The following ATP8A2 variants were observed in gnomAD, a reference collection of about 807,000 sequenced individuals.
ATP8A2 encodes the protein ATPase phospholipid transporting 8A2.
In ATP8A2, 100 loss-of-function variants were observed where a neutral mutation model predicts 165.6. That is an observed-to-expected ratio of 0.60 (90% CI 0.51 to 0.71). The LOEUF is 0.71. Among genes scored for constraint, ATP8A2 ranks in the 30% least tolerant of loss-of-function variants. The pLI, the probability that ATP8A2 is intolerant of heterozygous loss-of-function variation, is 0.00. For synonymous variants in ATP8A2, 543 were observed against 548.8 expected (o/e 0.99, Z 0.15); for missense variants, 1,227 against 1,479.5 (o/e 0.83, Z 2.80).
intron 24 of ATP8A2, among the ~76,000 whole-genome samples, chr13:25,604,430 TG>T (rs2040465671): frequency 1.3e-5 from 2 of 152,186 alleles, no homozygotes; most frequent in African/African-American, 4.8e-5. Context: ...AAGTTTACAG[TG>T]AGTTTTGCTG....
At chr13:25,617,790 C>T (rs575020118) in intron 24 of ATP8A2, among the ~76,000 whole-genome samples, 1 of 152,220 alleles carries the variant, frequency 6.6e-6, no homozygotes, top group South Asian at 2.1e-4. Flanking sequence ...TCTGGGGAGA[C>T]TATTTTAACT....
chr13:25,994,646 G>C (rs1228836736), intron 35 of ATP8A2, among the ~76,000 whole-genome samples: 1 of 151,732 alleles, frequency 6.6e-6, no homozygotes, highest in African/African-American at 2.4e-5. Context: ...ATATGAGTGT[G>C]TTTTTTTTCT....
chr13:25,683,140 G>T (rs1327199963), intron 24 of ATP8A2, among the ~76,000 whole-genome samples: 1 of 152,212 alleles, frequency 6.6e-6, no homozygotes, highest in East Asian at 1.9e-4. Context: ...ACAATTTGAG[G>T]TTATTTTAGT....
At position 25,667,617 on chromosome 13, in the gene ATP8A2, C is replaced by A. The variant is rs111550077; in HGVS notation, c.2212-31556C>A. Among the ~76,000 whole-genome samples the A allele has an allele frequency of 3.2e-4, 46 of 145,900 alleles. No homozygotes were observed. In the South Asian group the frequency reaches 6.0e-3, roughly 19 times the overall value. Reference sequence around the variant, plus strand: ...ACATGTCCTTGAACTCCTCAGTCTGCGAAACTGTGGCCTAGATAAGCCTCT... The same window carrying A: ...ACATGTCCTTGAACTCCTCAGTCTGAGAAACTGTGGCCTAGATAAGCCTCT... On this transcript the variant is annotated intron_variant, in intron 24 of 36. Transcript: ENST00000381655.
chr13:25,925,829 GCA>G (rs942470304), intron 33 of ATP8A2, among the ~76,000 whole-genome samples: 4 of 151,398 alleles, frequency 2.6e-5, no homozygotes, highest in Non-Finnish European at 5.9e-5. Context: ...TCAGGTTCAA[GCA>G]ATTCTCCTGT....
rs10528594 is a variant in ATP8A2, at chr13:25,414,186, GTTT to G, written c.76+41918_76+41920del. 8.9e-4 allele frequency among the ~76,000 whole-genome samples: 106 copies of G among 119,074 alleles called. 1 individual carries two copies. The highest frequency in any genetic ancestry group is 2.7e-3 in the African/African-American group (87 of 32,288). The allele number at this position is 119,074 out of a possible 152,430, so 78.1% of individuals were successfully genotyped here. Reference sequence around the variant, plus strand: ...ACTATCTTATCACAAGGGCTGTGGTGTTTTTTTTTTTTTTTTTTTTTTGAGTCA... The same window carrying G: ...ACTATCTTATCACAAGGGCTGTGGTGTTTTTTTTTTTTTTTTTTTGAGTCA... On this transcript the variant is annotated intron_variant, in intron 1 of 36. Transcript: ENST00000381655.
chr13:25,769,311 G>T (rs943612829), intron 26 of ATP8A2, 82 bp downstream of exon 26: 13 of 1,395,002 alleles, frequency 9.3e-6, no homozygotes, highest in Non-Finnish European at 1.1e-5. Flanking sequence ...AACCTTCAGT[G>T]CATCTCCAAA....
chr13:25,724,436 T>G (rs950543606), intron 25 of ATP8A2, among the ~76,000 whole-genome samples: 1 of 152,166 alleles, frequency 6.6e-6, no homozygotes, highest in Non-Finnish European at 1.5e-5. Context: ...CATTTCCCAA[T>G]GTTGAATTGT....
chr13:25,433,773 T>C (rs908259920), intron 1 of ATP8A2, among the ~76,000 whole-genome samples: 1 of 152,200 alleles, frequency 6.6e-6, no homozygotes, highest in Non-Finnish European at 1.5e-5. Context: ...GTGGTATTTA[T>C]ACACCATGGA....
intron 35 of ATP8A2, among the ~76,000 whole-genome samples, chr13:25,990,513 G>A (rs79456495): frequency 6.6e-6 from 1 of 152,086 alleles, no homozygotes; most frequent in African/African-American, 2.4e-5. Context: ...ATATGCAAAG[G>A]CCCTGAGGTG....
chr13:25,741,605 C>G (rs1478389231), intron 25 of ATP8A2, among the ~76,000 whole-genome samples: 1 of 150,884 alleles, frequency 6.6e-6, no homozygotes, highest in Non-Finnish European at 1.5e-5. Context: ...CCAGGCTGAT[C>G]TGGACAAGCA....
chr13:25,760,327 C>T (rs1379262362), intron 25 of ATP8A2, among the ~76,000 whole-genome samples: 1 of 152,088 alleles, frequency 6.6e-6, no homozygotes, highest in Non-Finnish European at 1.5e-5. Context: ...AGAGAGATGG[C>T]CATATATATG....
chr13:25,757,369 C>T (rs1459339339), intron 25 of ATP8A2, among the ~76,000 whole-genome samples: 1 of 152,148 alleles, frequency 6.6e-6, no homozygotes, highest in Non-Finnish European at 1.5e-5. Flanking sequence ...GCCACTGTGC[C>T]CTGGAAGCTG....
At chr13:25,704,510 T>A (rs9581430) in intron 25 of ATP8A2, among the ~76,000 whole-genome samples, 7,201 of 151,950 alleles carry the variant, frequency 0.047, 210 homozygotes, top group Middle Eastern at 0.099. Context: ...ATTTTTAAAA[T>A]TTTTTTATAG....
chr13:25,790,972 A>G (rs1368257596), intron 27 of ATP8A2, among the ~76,000 whole-genome samples: 2 of 152,206 alleles, frequency 1.3e-5, no homozygotes, highest in Non-Finnish European at 2.9e-5. Flanking sequence ...AAACAGTGTG[A>G]TGATTTCCCA....
intron 25 of ATP8A2, among the ~76,000 whole-genome samples, chr13:25,747,176 A>G (rs1308301844): frequency 1.3e-5 from 2 of 152,252 alleles, no homozygotes; most frequent in Non-Finnish European, 2.9e-5. Flanking sequence ...AGGAGGGATC[A>G]GTAGAAACTT....
chr13:25,524,675 A>C (rs1019135376), intron 2 of ATP8A2, among the ~76,000 whole-genome samples: 1 of 151,952 alleles, frequency 6.6e-6, no homozygotes, highest in Non-Finnish European at 1.5e-5. Context: ...ACTTGCATGG[A>C]ATATCTTTTT....
At chr13:25,761,884 GA>G (rs1292957458) in intron 25 of ATP8A2, among the ~76,000 whole-genome samples, 5 of 151,390 alleles carry the variant, frequency 3.3e-5, no homozygotes, top group African/African-American at 9.7e-5. Flanking sequence ...AAGAGGCCAG[GA>G]AAAAAAACTA....
intron 28 of ATP8A2, 64 bp from the exon 29 acceptor site, chr13:25,837,099 A>C: frequency 6.4e-7 from 1 of 1,574,146 alleles, no homozygotes; most frequent in Non-Finnish European, 8.6e-7. Flanking sequence ...ATTTGGTAGA[A>C]GGGAACAATG....
Sources: gnomAD v4.1 joint callset for allele counts (sites outside exome capture counted in the v4.1 genomes callset) on GRCh38, gnomAD v4.1.1 for gene constraint, MANE v1.5 for transcripts, NCBI Gene and HGNC (gene_info 2026-07-23, HGNC 2026-07-21) for gene names.